Variants in WWOX observed in about 807,000 individuals in gnomAD.
WWOX encodes WW domain-containing oxidoreductase.
Under a neutral mutation model 46.2 loss-of-function variants are expected in WWOX, and 69 were observed. The ratio of observed to expected loss-of-function variants is 1.49; its 90% CI spans 1.23 to 1.82. The LOEUF (loss-of-function observed/expected upper bound fraction) is 1.82, where lower values mean the gene tolerates loss of function less well. Ranked by LOEUF, WWOX falls within the 40% of genes most tolerant of loss-of-function variation. The pLI is 0.00. For synonymous variants in WWOX, 359 were observed against 202.6 expected (o/e 1.77, Z -6.56); for missense variants, 919 against 542.6 (o/e 1.69, Z -6.89).
rs368297469 is a variant in WWOX, at chr16:78,356,492, C to T, written c.517-30368C>T. 1.2e-4 allele frequency among the ~76,000 whole-genome samples: 18 copies of T among 152,244 alleles called. 1 individual carries two copies. The South Asian group carries it at 2.5e-3, about 21-fold the overall frequency. On this transcript the variant is annotated intron_variant, in intron 5 of 8. Coordinates refer to ENST00000566780, the MANE Select transcript of WWOX (RefSeq NM_016373.4). ...GACACATCTCTAGTTTGTTGTAAGT[C>T]GCCTACCCTAGACCTCATCTCCAGT...
At chr16:79,177,906 A>G (rs2050832969) in intron 8 of WWOX, among the ~76,000 whole-genome samples, 1 of 152,182 alleles carries the variant, frequency 6.6e-6, no homozygotes, top group Non-Finnish European at 1.5e-5. Context: ...GTAATTCTTA[A>G]AGTTCTGGAG....
chr16:78,379,544 G>A (rs372659465), intron 5 of WWOX, among the ~76,000 whole-genome samples: 2 of 152,206 alleles, frequency 1.3e-5, no homozygotes, highest in East Asian at 3.9e-4. Flanking sequence ...GCTTTGTGCT[G>A]CTAGATTTGC....
intron 4 of WWOX, among the ~76,000 whole-genome samples, chr16:78,140,917 T>C (rs1025347978): frequency 6.6e-6 from 1 of 152,176 alleles, no homozygotes; most frequent in African/African-American, 2.4e-5. Flanking sequence ...AACAAGTCAT[T>C]CGAAAGAAAT....
At chr16:78,314,555 G>C (rs1039470010) in intron 5 of WWOX, among the ~76,000 whole-genome samples, 1 of 130,478 alleles carries the variant, frequency 7.7e-6, no homozygotes, top group Admixed American at 8.0e-5. Flanking sequence ...TCGGAGTTTT[G>C]CTCTTGTCGC....
Position 78,333,288 on chromosome 16 carries a change from A to G in WWOX, c.517-53572A>G, listed in dbSNP as rs532434218. ...TTGTCTCAACCCCTGAGCTCAGGTGATCCGCCTGCCTTGGCCTGCCAAAGT... is the reference window on the plus strand; with the variant it reads ...TTGTCTCAACCCCTGAGCTCAGGTGGTCCGCCTGCCTTGGCCTGCCAAAGT... On this transcript the variant is annotated intron_variant, in intron 5 of 8. Transcript: ENST00000566780. 9.1e-4 allele frequency among the ~76,000 whole-genome samples: 138 copies of G among 151,992 alleles called. 1 individual carries two copies. The Middle Eastern group carries it at 0.014, about 15-fold the overall frequency.
chr16:78,474,467 G>A (rs1004528635), intron 8 of WWOX, among the ~76,000 whole-genome samples: 6 of 152,116 alleles, frequency 3.9e-5, no homozygotes, highest in African/African-American at 1.4e-4. Flanking sequence ...AGAAAATAAG[G>A]ATTTCCACCC....
chr16:78,321,458 G>C (rs1271510824), intron 5 of WWOX, among the ~76,000 whole-genome samples: 1 of 149,736 alleles, frequency 6.7e-6, no homozygotes, highest in Non-Finnish European at 1.5e-5. Flanking sequence ...ATAATGTTAA[G>C]GCTAGAGTAG....
At chr16:78,328,918 G>A (rs2080696090) in intron 5 of WWOX, among the ~76,000 whole-genome samples, 1 of 152,104 alleles carries the variant, frequency 6.6e-6, no homozygotes, top group Admixed American at 6.5e-5. Flanking sequence ...CTGGAGTGCA[G>A]TGGTGCGATC....
intron 8 of WWOX, among the ~76,000 whole-genome samples, chr16:78,819,266 A>G (rs2051427498): frequency 6.6e-6 from 1 of 152,136 alleles, no homozygotes; most frequent in Admixed American, 6.5e-5. Context: ...GTGGGACTTG[A>G]TTCTGGAGGC....
chr16:79,199,458 C>A (rs184097710), intron 8 of WWOX, among the ~76,000 whole-genome samples: 1 of 152,232 alleles, frequency 6.6e-6, no homozygotes, highest in Non-Finnish European at 1.5e-5. Context: ...CAAAGACACA[C>A]GAATCTCTTA....
chr16:78,266,412 A>G (rs12598901), intron 5 of WWOX, among the ~76,000 whole-genome samples: 20,164 of 152,140 alleles, frequency 0.13, 1,957 homozygotes, highest in African/African-American at 0.27. Flanking sequence ...GATGGAGACT[A>G]TATGGCCCAT....
intron 8 of WWOX, among the ~76,000 whole-genome samples, chr16:78,927,890 C>T (rs921953944): frequency 6.6e-6 from 1 of 151,868 alleles, no homozygotes; most frequent in Non-Finnish European, 1.5e-5. Context: ...ATTCTTTTAC[C>T]CAGACACTTA....
chr16:78,390,847 C>T (rs2082160726), intron 6 of WWOX, among the ~76,000 whole-genome samples: 1 of 152,168 alleles, frequency 6.6e-6, no homozygotes, highest in South Asian at 2.1e-4. Flanking sequence ...TCTTTTCACG[C>T]TGTTGCATTG....
chr16:78,771,018 A>C (rs2050051063), intron 8 of WWOX, among the ~76,000 whole-genome samples: 1 of 152,250 alleles, frequency 6.6e-6, no homozygotes, highest in Non-Finnish European at 1.5e-5. Flanking sequence ...TGCTGGAGGC[A>C]GAACATTCTA....
At chr16:78,558,401 A>G (rs754232030) in intron 8 of WWOX, among the ~76,000 whole-genome samples, 55 of 152,252 alleles carry the variant, frequency 3.6e-4, no homozygotes, top group Admixed American at 6.5e-4. Context: ...GAGACATCCC[A>G]TCAAAATTGG....
chr16:78,105,436 GT>G (rs2032078693), intron 1 of WWOX, among the ~76,000 whole-genome samples: 2 of 149,498 alleles, frequency 1.3e-5, no homozygotes, highest in South Asian at 4.2e-4. Context: ...TGCAGCCTGG[GT>G]GACAGAGTGA....
chr16:78,714,499 C>A (rs1430591000), intron 8 of WWOX, among the ~76,000 whole-genome samples: 1 of 151,902 alleles, frequency 6.6e-6, no homozygotes, highest in Non-Finnish European at 1.5e-5. Flanking sequence ...ATGGGAGATA[C>A]AATTCAAGAT....
intron 8 of WWOX, among the ~76,000 whole-genome samples, chr16:78,992,460 C>G (rs924925302): frequency 2.6e-5 from 4 of 152,104 alleles, no homozygotes; most frequent in African/African-American, 7.2e-5. Context: ...GAGTGACACT[C>G]TATCTCAAAA....
intron 5 of WWOX, among the ~76,000 whole-genome samples, chr16:78,362,757 C>G (rs145904935): frequency 6.6e-6 from 1 of 152,308 alleles, no homozygotes; most frequent in African/African-American, 2.4e-5. Flanking sequence ...TCATGAAGAA[C>G]TTACTATGTG....
Sources: allele counts gnomAD v4.1 joint callset (sites outside exome capture counted in the v4.1 genomes callset), GRCh38; gene constraint gnomAD v4.1.1; transcripts MANE v1.5; gene names NCBI Gene and HGNC (gene_info 2026-07-23, HGNC 2026-07-21).